XPR1: variants seen among roughly 807,000 people sequenced by gnomAD.
The protein encoded by XPR1 is solute carrier family 53 member 1.
A neutral mutation model predicts 87.5 loss-of-function variants in XPR1; 28 were observed. The ratio of observed to expected loss-of-function variants is 0.32; its 90% CI spans 0.24 to 0.44. XPR1 has a LOEUF of 0.44. Among genes scored for constraint, XPR1 ranks in the 20% least tolerant of loss-of-function variants. The probability of loss-of-function intolerance (pLI) is 1.00; values close to 1 mark genes in which losing one functional copy is unlikely to be tolerated. For missense variants in XPR1, 559 were observed against 862.3 expected, an observed-to-expected ratio of 0.65 and a Z score of 4.41; for synonymous variants, 300 against 306.1, an observed-to-expected ratio of 0.98 and a Z score of 0.21.
In XPR1 at chr1:180,709,473, CTCAG is replaced by C. The variant is rs1039656466; in HGVS notation, c.121+27066_121+27069del. On this transcript the variant is annotated intron_variant, in intron 2 of 14. Coordinates refer to ENST00000367590, the MANE Select transcript of XPR1 (RefSeq NM_004736.4). ...CCCACCGCATCTCACTCTATCCCTT[CTCAG>C]TCAAACACTGATTGGCTTTCTTTCA... is the stretch of plus-strand genomic sequence containing the variant. Among the ~76,000 whole-genome samples, 153 of 151,296 alleles carry C rather than the reference CTCAG, an allele frequency of 1.0e-3. 1 individual carries two copies. Among genetic ancestry groups the C allele is most frequent in the African/African-American group, 3.5e-3 (142 of 40,592 alleles).
At chr1:180,830,754 C>T (rs953886870) in intron 9 of XPR1, among the ~76,000 whole-genome samples, 4 of 152,136 alleles carry the variant, frequency 2.6e-5, no homozygotes, top group African/African-American at 7.2e-5. Flanking sequence ...CTTCACACAG[C>T]GCTTATCAAG....
chr1:180,696,224 A>ATG, intron 2 of XPR1, among the ~76,000 whole-genome samples: 1 of 141,480 alleles, frequency 7.1e-6, no homozygotes, highest in East Asian at 2.0e-4. Context: ...ATATATATAT[A>ATG]TATATATTAT....
chr1:180,663,010 G>T (rs1029217627), intron 1 of XPR1, among the ~76,000 whole-genome samples: 9 of 152,124 alleles, frequency 5.9e-5, no homozygotes, highest in South Asian at 2.1e-4. Context: ...AAATTTATCT[G>T]ATAGGGTTCT....
chr1:180,835,466 G>A (rs1304218739), intron 10 of XPR1, among the ~76,000 whole-genome samples: 1 of 151,812 alleles, frequency 6.6e-6, no homozygotes, highest in Non-Finnish European at 1.5e-5. Context: ...TTCTTACTTG[G>A]GATGTTATTT....
At chr1:180,814,410 A>ATGT (rs1425565222) in intron 7 of XPR1, among the ~76,000 whole-genome samples, 1 of 152,222 alleles carries the variant, frequency 6.6e-6, no homozygotes, top group African/African-American at 2.4e-5. Context: ...ACTCAGATCT[A>ATGT]TGTTATCAAG....
At chr1:180,800,827 G>A (rs1456240445) in intron 3 of XPR1, among the ~76,000 whole-genome samples, 1 of 152,154 alleles carries the variant, frequency 6.6e-6, no homozygotes, top group Non-Finnish European at 1.5e-5. Flanking sequence ...GGAACCACCC[G>A]AAAGCAAGGC....
intron 2 of XPR1, among the ~76,000 whole-genome samples, chr1:180,774,362 AAAAG>A (rs1648627604): frequency 6.6e-6 from 1 of 151,766 alleles, no homozygotes; most frequent in African/African-American, 2.4e-5. Context: ...TTTTTTTAAA[AAAAG>A]AAATCTGTCT....
intron 2 of XPR1, among the ~76,000 whole-genome samples, chr1:180,704,132 A>G (rs1327166032): frequency 1.3e-5 from 2 of 150,828 alleles, no homozygotes; most frequent in East Asian, 3.9e-4. Flanking sequence ...ATCTTAGCAT[A>G]GTTTCTGTTC....
intron 2 of XPR1, among the ~76,000 whole-genome samples, chr1:180,783,609 GTTAT>G (rs1244641288): frequency 6.6e-6 from 1 of 151,740 alleles, no homozygotes; most frequent in African/African-American, 2.4e-5. Flanking sequence ...TATATATTCT[GTTAT>G]TTATTTTTTC....
chr1:180,686,418 G>A (rs12568410), intron 2 of XPR1, among the ~76,000 whole-genome samples: 8,286 of 152,112 alleles, frequency 0.054, 365 homozygotes, highest in East Asian at 0.13. Context: ...TATGTGGTCA[G>A]TTTTGGAGTA....
chr1:180,656,402 T>C (rs1416154595), intron 1 of XPR1, among the ~76,000 whole-genome samples: 2 of 48,134 alleles, frequency 4.2e-5, no homozygotes, highest in East Asian at 8.4e-4. Context: ...TATATATAAA[T>C]ATTTATATAT....
intron 2 of XPR1, among the ~76,000 whole-genome samples, chr1:180,716,493 T>A (rs1657999281): frequency 6.6e-6 from 1 of 152,230 alleles, no homozygotes; most frequent in South Asian, 2.1e-4. Context: ...ATTTTATTGA[T>A]ATCCACTCTT....
chr1:180,857,738 C>T (rs1193218787), intron 11 of XPR1, among the ~76,000 whole-genome samples: 2 of 152,004 alleles, frequency 1.3e-5, no homozygotes. Flanking sequence ...CTAGAATGTA[C>T]CTAGTTAGGT....
intron 7 of XPR1, among the ~76,000 whole-genome samples, chr1:180,815,633 C>T (rs1307254824): frequency 6.6e-6 from 1 of 152,046 alleles, no homozygotes; most frequent in East Asian, 1.9e-4. Flanking sequence ...TAATTAATTT[C>T]ATTAAGATGA....
At chr1:180,639,460 T>G (rs1004801580) in intron 1 of XPR1, among the ~76,000 whole-genome samples, 2 of 152,202 alleles carry the variant, frequency 1.3e-5, no homozygotes, top group African/African-American at 4.8e-5. Context: ...CCTGCTGTAT[T>G]AGAAAGACCT....
intron 2 of XPR1, among the ~76,000 whole-genome samples, chr1:180,712,107 G>A (rs1451902184): frequency 3.9e-5 from 6 of 152,110 alleles, no homozygotes; most frequent in Admixed American, 3.9e-4. Context: ...ACATACATAT[G>A]ATAAAGTTTA....
At chr1:180,794,681 C>T (rs1277860900) in intron 3 of XPR1, among the ~76,000 whole-genome samples, 8 of 152,070 alleles carry the variant, frequency 5.3e-5, no homozygotes, top group Admixed American at 5.2e-4. Flanking sequence ...TAGGCATTAG[C>T]CAAATGCTCT....
chr1:180,718,085 C>G (rs1658058055), intron 2 of XPR1, among the ~76,000 whole-genome samples: 1 of 152,046 alleles, frequency 6.6e-6, no homozygotes, highest in African/African-American at 2.4e-5. Flanking sequence ...AACATTAATG[C>G]TATGTATTAA....
chr1:180,717,675 T>A (rs2101992907), intron 2 of XPR1, among the ~76,000 whole-genome samples: 1 of 152,306 alleles, frequency 6.6e-6, no homozygotes, highest in South Asian at 2.1e-4. Flanking sequence ...GAATGATGAA[T>A]TAAATTTAGT....
Sources: gnomAD v4.1 joint callset for allele counts (sites outside exome capture counted in the v4.1 genomes callset) on GRCh38, gnomAD v4.1.1 for gene constraint, MANE v1.5 for transcripts, NCBI Gene and HGNC (gene_info 2026-07-23, HGNC 2026-07-21) for gene names.